SLC9A9: variants seen among roughly 807,000 people sequenced by gnomAD.
SLC9A9 encodes sodium/hydrogen exchanger 9.
SLC9A9 carries 62 observed loss-of-function variants against 77.8 expected under a neutral mutation model. The observed-to-expected ratio is 0.80, with a 90% CI of 0.65 to 0.98. The LOEUF (loss-of-function observed/expected upper bound fraction) is 0.98. Ranked by LOEUF, SLC9A9 falls within the 50% of genes least tolerant of loss-of-function variation. SLC9A9 has a pLI of 0.00. For synonymous variants in SLC9A9, 320 were observed against 283.5 expected (o/e 1.13, Z -1.29); for missense variants, 775 against 774.9 (o/e 1.00, Z 0.00).
At chr3:143,386,783 C>A (rs1186094820) in intron 12 of SLC9A9, among the ~76,000 whole-genome samples, 1 of 152,088 alleles carries the variant, frequency 6.6e-6, no homozygotes, top group Non-Finnish European at 1.5e-5. Context: ...GGTCTCATAG[C>A]AAAACATTAT....
At chr3:143,655,715 C>T (rs900740804) in intron 5 of SLC9A9, 1 of 791,738 alleles carries the variant, frequency 1.3e-6, no homozygotes, top group Non-Finnish European at 1.5e-6. Context: ...CACACACAAA[C>T]ACACCCCTAC....
At chr3:143,610,159 A>C (rs925801131) in intron 6 of SLC9A9, among the ~76,000 whole-genome samples, 25 of 149,388 alleles carry the variant, frequency 1.7e-4, no homozygotes, top group African/African-American at 6.1e-4. Flanking sequence ...TTTTTTTTTT[A>C]TTTATTTGAG....
At position 143,370,847 on chromosome 3, in the gene SLC9A9, A is replaced by G. The variant is rs1452222891; in HGVS notation, c.1525-7284T>C. Among the ~76,000 whole-genome samples, 3 of 152,270 alleles carry G rather than the reference A, an allele frequency of 2.0e-5. No homozygotes were observed. The East Asian group carries it at 5.8e-4, about 29-fold the overall frequency. Reference sequence around the variant, plus strand: ...GGATCATAAACATATGATAGGATTCAGGCATTGGATAACTGGCAGCAAAGG... The same window carrying G: ...GGATCATAAACATATGATAGGATTCGGGCATTGGATAACTGGCAGCAAAGG... On this transcript the variant is annotated intron_variant, in intron 13 of 15. Coordinates refer to ENST00000316549, the MANE Select transcript of SLC9A9 (RefSeq NM_173653.4).
intron 5 of SLC9A9, among the ~76,000 whole-genome samples, chr3:143,659,539 G>C (rs16853999): frequency 0.11 from 16,388 of 152,170 alleles, 885 homozygotes; most frequent in African/African-American, 0.11. Context: ...GAACATTCCT[G>C]CTCCTTAAAT....
intron 2 of SLC9A9, among the ~76,000 whole-genome samples, chr3:143,828,411 G>T (rs375725434): frequency 5.5e-4 from 84 of 152,304 alleles, no homozygotes; most frequent in African/African-American, 1.9e-3. Flanking sequence ...AGTAAAAAAG[G>T]TATGGTCCCT....
At chr3:143,569,830 T>G (rs1325020174) in intron 8 of SLC9A9, among the ~76,000 whole-genome samples, 1 of 143,970 alleles carries the variant, frequency 6.9e-6, no homozygotes, top group Non-Finnish European at 1.5e-5. Flanking sequence ...TTTTTTTTTT[T>G]GGAGACAGGG....
chr3:143,271,101 T>G (rs931373220), intron 14 of SLC9A9, among the ~76,000 whole-genome samples: 1 of 142,046 alleles, frequency 7.0e-6, no homozygotes, highest in Non-Finnish European at 1.5e-5. Context: ...TTAGTAGCCA[T>G]TGTGGTTATC....
rs148937083 is a variant in SLC9A9 at position 143,419,733 on chromosome 3, A to G, written c.1470-37619T>C. Reference sequence around the variant, plus strand: ...ATCCAGATAAATGAACAGGCAAGTTACAACAAAGGATGCAGATAAACCCCC... The same window carrying G: ...ATCCAGATAAATGAACAGGCAAGTTGCAACAAAGGATGCAGATAAACCCCC... On this transcript the variant is annotated intron_variant, in intron 12 of 15. Transcript: ENST00000316549. Among the ~76,000 whole-genome samples, 206 of 152,308 alleles carry G rather than the reference A, an allele frequency of 1.4e-3. 1 individual carries two copies. The highest frequency in any genetic ancestry group is 3.1e-4 in the Non-Finnish European group (21 of 68,022).
intron 4 of SLC9A9, among the ~76,000 whole-genome samples, chr3:143,698,376 G>A (rs1933699986): frequency 6.6e-6 from 1 of 152,170 alleles, no homozygotes; most frequent in Non-Finnish European, 1.5e-5. Context: ...GTGCTATAGT[G>A]CATATAAAGA....
chr3:143,323,213 A>G (rs112809711), intron 14 of SLC9A9, among the ~76,000 whole-genome samples: 2,787 of 152,344 alleles, frequency 0.018, 53 homozygotes, highest in South Asian at 0.029. Flanking sequence ...GGATCCAGCA[A>G]TCCCACTACT....
intron 14 of SLC9A9, among the ~76,000 whole-genome samples, chr3:143,300,279 A>G (rs983303955): frequency 3.3e-5 from 5 of 152,246 alleles, no homozygotes; most frequent in African/African-American, 1.2e-4. Flanking sequence ...GGTTGTGGTG[A>G]ATATCAAGAG....
chr3:143,386,583 T>G (rs1348691840), intron 12 of SLC9A9, among the ~76,000 whole-genome samples: 1 of 152,218 alleles, frequency 6.6e-6, no homozygotes, highest in Non-Finnish European at 1.5e-5. Context: ...TAGTAAGTTT[T>G]TAAGAATGTT....
At chr3:143,535,762 C>T (rs1014850225) in intron 9 of SLC9A9, among the ~76,000 whole-genome samples, 1 of 152,210 alleles carries the variant, frequency 6.6e-6, no homozygotes, top group East Asian at 1.9e-4. Flanking sequence ...ACTTTAAATA[C>T]ACATTTGATT....
chr3:143,351,658 G>C (rs1559879058), intron 14 of SLC9A9, among the ~76,000 whole-genome samples: 1 of 152,150 alleles, frequency 6.6e-6, no homozygotes, highest in Non-Finnish European at 1.5e-5. Flanking sequence ...CATATCTCTG[G>C]ACTGAGAAGA....
intron 9 of SLC9A9, among the ~76,000 whole-genome samples, chr3:143,500,781 A>C (rs1392688802): frequency 2.1e-5 from 3 of 142,882 alleles, no homozygotes; most frequent in South Asian, 2.1e-4. Context: ...AAATATCATA[A>C]ATTTATAAAA....
chr3:143,621,956 T>C (rs1054029949), intron 6 of SLC9A9, among the ~76,000 whole-genome samples: 2 of 152,052 alleles, frequency 1.3e-5, no homozygotes, highest in Non-Finnish European at 2.9e-5. Context: ...GCACGAGAAC[T>C]ACATGACAAA....
intron 9 of SLC9A9, among the ~76,000 whole-genome samples, chr3:143,509,370 A>G (rs2036077467): frequency 6.6e-6 from 1 of 152,142 alleles, no homozygotes; most frequent in African/African-American, 2.4e-5. Flanking sequence ...CTGACTGTAG[A>G]TTGTCAATGT....
At chr3:143,318,835 G>C (rs1178463584) in intron 14 of SLC9A9, among the ~76,000 whole-genome samples, 2 of 152,182 alleles carry the variant, frequency 1.3e-5, no homozygotes, top group African/African-American at 4.8e-5. Context: ...GGTTAGTGAT[G>C]AGAGATGCTA....
chr3:143,712,096 C>T (rs1318420232), intron 4 of SLC9A9, among the ~76,000 whole-genome samples: 3 of 152,198 alleles, frequency 2.0e-5, no homozygotes, highest in Non-Finnish European at 4.4e-5. Flanking sequence ...GTACACCGTT[C>T]TGCAAGTCCC....
Sources: allele counts gnomAD v4.1 joint callset (sites outside exome capture counted in the v4.1 genomes callset), GRCh38; gene constraint gnomAD v4.1.1; transcripts MANE v1.5; gene names NCBI Gene and HGNC (gene_info 2026-07-23, HGNC 2026-07-21).